Variants in EHBP1 observed in about 807,000 individuals in gnomAD.
The protein encoded by EHBP1 is EH domain binding protein 1, also known as EH domain-binding protein 1.
A neutral mutation model predicts 144.0 loss-of-function variants in EHBP1; 55 were observed. That is an observed-to-expected ratio of 0.38 (90% CI 0.31 to 0.48). The LOEUF is 0.48. EHBP1 is among the 20% of genes least tolerant of loss of function. The pLI is 0.98. For synonymous variants in EHBP1, 469 were observed against 472.7 expected (o/e 0.99, Z 0.10); for missense variants, 1,200 against 1,364.2 (o/e 0.88, Z 1.90).
chr2:62,854,908 C>G (rs1019306692), intron 7 of EHBP1, among the ~76,000 whole-genome samples: 1 of 152,160 alleles, frequency 6.6e-6, no homozygotes, highest in Non-Finnish European at 1.5e-5. Context: ...CTGGGTGCTA[C>G]TAAATCTGCC....
In EHBP1 at chr2:63,033,546, G is replaced by C. The variant is rs566777818; in HGVS notation, c.3104-3989G>C. Among the ~76,000 whole-genome samples the C allele has an allele frequency of 5.3e-5, 8 of 152,112 alleles. No homozygotes were observed. The East Asian group carries it at 1.3e-3, about 26-fold the overall frequency. On this transcript the variant is annotated intron_variant, in intron 19 of 22. Coordinates refer to ENST00000431489, the MANE Select transcript of EHBP1 (RefSeq NM_001142616.3). ...TATTCCTTATTTTGCATTTATATAA[G>C]AATTCATTGTCTAAAATATATCTTT...
intron 5 of EHBP1, among the ~76,000 whole-genome samples, chr2:62,805,264 A>G (rs2044351514): frequency 1.3e-5 from 2 of 152,128 alleles, no homozygotes; most frequent in Non-Finnish European, 2.9e-5. Flanking sequence ...TTGCCATTCT[A>G]AATTATATTA....
chr2:62,916,744 C>G (rs1446026925), intron 10 of EHBP1, among the ~76,000 whole-genome samples: 1 of 148,522 alleles, frequency 6.7e-6, no homozygotes, highest in East Asian at 2.0e-4. Context: ...TATATATCAT[C>G]AAAATATATT....
intron 10 of EHBP1, among the ~76,000 whole-genome samples, chr2:62,887,569 TC>T (rs2052040010): frequency 8.5e-6 from 1 of 117,376 alleles, no homozygotes; most frequent in Admixed American, 9.5e-5. Context: ...GAGATAGGTC[TC>T]CACAAAAAAA....
intron 12 of EHBP1, among the ~76,000 whole-genome samples, chr2:62,946,955 C>G (rs1378147269): frequency 5.9e-5 from 9 of 152,284 alleles, no homozygotes; most frequent in Middle Eastern, 3.4e-3. Context: ...CCTGTGACAT[C>G]TGATCTTAAC....
chr2:62,828,891 G>T (rs1289743729), intron 6 of EHBP1, among the ~76,000 whole-genome samples: 1 of 152,056 alleles, frequency 6.6e-6, no homozygotes, highest in Non-Finnish European at 1.5e-5. Context: ...AACACTTTGG[G>T]AGCCTGAGGT....
intron 3 of EHBP1, among the ~76,000 whole-genome samples, chr2:62,753,763 C>G (rs913262866): frequency 2.6e-5 from 4 of 152,196 alleles, no homozygotes; most frequent in East Asian, 3.9e-4. Context: ...TCACTGATAC[C>G]CTTTCTTCCA....
intron 10 of EHBP1, among the ~76,000 whole-genome samples, chr2:62,931,291 A>T (rs1204199966): frequency 2.6e-5 from 4 of 152,228 alleles, no homozygotes; most frequent in Admixed American, 2.6e-4. Flanking sequence ...ATCACTAATT[A>T]TTGGGAAATA....
At chr2:63,037,443 A>G in intron 19 of EHBP1, 92 bp from the exon 20 acceptor site, 1 of 801,692 alleles carries the variant, frequency 1.2e-6, no homozygotes, top group Non-Finnish European at 2.0e-6. Flanking sequence ...GAATAAGTAA[A>G]ATGTTTTCTA....
At chr2:62,933,986 A>G (rs1265720886) in intron 10 of EHBP1, among the ~76,000 whole-genome samples, 3 of 152,166 alleles carry the variant, frequency 2.0e-5, no homozygotes, top group Non-Finnish European at 2.9e-5. Context: ...GTTGCCGAAC[A>G]TTTACATTAT....
chr2:62,947,895 A>G (rs1394278804), intron 12 of EHBP1, among the ~76,000 whole-genome samples: 1 of 152,210 alleles, frequency 6.6e-6, no homozygotes, highest in Non-Finnish European at 1.5e-5. Context: ...AATCACTGCA[A>G]TTACATGACT....
rs529282504 is a variant in EHBP1, at chr2:62,755,070, C to A, written c.162+7618C>A. On this transcript the variant is annotated intron_variant, in intron 3 of 22. Coordinates refer to ENST00000431489, the MANE Select transcript of EHBP1 (RefSeq NM_001142616.3). ...TGGAAATGCAGAAATCACCTGTCTT[C>A]TGCATCGCTCAACGCTGGGAGCTGT... Among the ~76,000 whole-genome samples the A allele has an allele frequency of 3.3e-5, 5 of 152,350 alleles. No homozygotes were observed. In the South Asian group the frequency reaches 1.0e-3, roughly 32 times the overall value.
At chr2:62,946,539 C>T (rs1212316787) in intron 12 of EHBP1, among the ~76,000 whole-genome samples, 1 of 152,162 alleles carries the variant, frequency 6.6e-6, no homozygotes, top group Non-Finnish European at 1.5e-5. Context: ...CCCATGTGCC[C>T]TTGAATGGAC....
At chr2:62,783,823 AT>A (rs2042625716) in intron 5 of EHBP1, among the ~76,000 whole-genome samples, 1 of 152,242 alleles carries the variant, frequency 6.6e-6, no homozygotes, top group Admixed American at 6.5e-5. Context: ...GGTGACTAAC[AT>A]TAGTCTCCTC....
rs1026840929 is a variant in EHBP1 at position 63,032,189 on chromosome 2, C to T, written c.3104-5346C>T. ...ACATGGCAGATGTATACATATGTAA[C>T]AAACCTGTACATTGTGCACATGTAC... On this transcript the variant is annotated intron_variant, in intron 19 of 22. Coordinates refer to ENST00000431489, the MANE Select transcript of EHBP1 (RefSeq NM_001142616.3). Among the ~76,000 whole-genome samples, 55 of 147,280 alleles carry T rather than the reference C, an allele frequency of 3.7e-4. 1 individual carries two copies. The highest frequency in any genetic ancestry group is 1.2e-3 in the African/African-American group (47 of 39,692).
chr2:62,993,212 A>G (rs888651457), intron 16 of EHBP1, among the ~76,000 whole-genome samples: 2 of 152,144 alleles, frequency 1.3e-5, no homozygotes. Context: ...TTGTTGTCAT[A>G]CAAGTCTGTG....
At chr2:62,685,483 C>G (rs1038907300) in intron 1 of EHBP1, among the ~76,000 whole-genome samples, 2 of 152,054 alleles carry the variant, frequency 1.3e-5, no homozygotes, top group African/African-American at 4.8e-5. Flanking sequence ...ATGGTGTTCT[C>G]TCTCTGTGGT....
intron 7 of EHBP1, among the ~76,000 whole-genome samples, chr2:62,844,248 G>C (rs1015883807): frequency 6.6e-6 from 1 of 152,082 alleles, no homozygotes; most frequent in Non-Finnish European, 1.5e-5. Context: ...GTAAATCCAT[G>C]GTATCTGTAC....
At chr2:62,715,075 G>T (rs2035532058) in intron 2 of EHBP1, among the ~76,000 whole-genome samples, 1 of 152,156 alleles carries the variant, frequency 6.6e-6, no homozygotes, top group Non-Finnish European at 1.5e-5. Context: ...GTGTTCGTAT[G>T]TGTCCTGTAG....
Sources: gnomAD v4.1 joint callset for allele counts (sites outside exome capture counted in the v4.1 genomes callset) on GRCh38, gnomAD v4.1.1 for gene constraint, MANE v1.5 for transcripts, NCBI Gene and HGNC (gene_info 2026-07-23, HGNC 2026-07-21) for gene names.